Variants in WDR64 observed in about 807,000 individuals in gnomAD.
WDR64 encodes WD repeat domain 64.
Under a neutral mutation model 139.3 loss-of-function variants are expected in WDR64, and 112 were observed. The ratio of observed to expected loss-of-function variants is 0.80; its 90% CI spans 0.69 to 0.94. WDR64 has a LOEUF of 0.94. Ranked by LOEUF, WDR64 falls within the 40% of genes least tolerant of loss-of-function variation. WDR64 has a pLI of 0.00. For missense variants in WDR64, 1,206 were observed against 1,293.1 expected (o/e 0.93, Z 1.03); for synonymous variants, 444 against 437.7 (o/e 1.01, Z -0.18).
At chr1:241,693,858 A>T (rs1667392452) in intron 8 of WDR64, among the ~76,000 whole-genome samples, 1 of 152,198 alleles carries the variant, frequency 6.6e-6, no homozygotes, top group African/African-American at 2.4e-5. Context: ...TTCTCTGGTG[A>T]TTTAATTCCA....
chr1:241,767,884 T>C (rs1336536423), intron 16 of WDR64, among the ~76,000 whole-genome samples: 1 of 152,146 alleles, frequency 6.6e-6, no homozygotes, highest in Non-Finnish European at 1.5e-5. Context: ...CATCCTTCTG[T>C]TCCTTCACTT....
At chr1:241,789,495 A>G (rs1659152050) in intron 24 of WDR64, among the ~76,000 whole-genome samples, 1 of 152,248 alleles carries the variant, frequency 6.6e-6, no homozygotes, top group Admixed American at 6.5e-5. Context: ...CATCAGTGGT[A>G]GACTGGATAA....
intron 21 of WDR64, among the ~76,000 whole-genome samples, chr1:241,777,131 G>A (rs1658682265): frequency 6.6e-6 from 1 of 152,184 alleles, no homozygotes; most frequent in East Asian, 1.9e-4. Context: ...GTCTGACTCT[G>A]TGGCCCAGGC....
Position 241,731,383 on chromosome 1 carries a change from T to C in WDR64, c.1195-6980T>C, listed in dbSNP as rs572030842. Reference sequence around the variant, plus strand: ...TGAGATAAATCTAAGTACATAAATATGTCCTAACATAGATGTAAGCTCTTT... The same window carrying C: ...TGAGATAAATCTAAGTACATAAATACGTCCTAACATAGATGTAAGCTCTTT... On this transcript the variant is annotated intron_variant, in intron 10 of 27. Transcript: ENST00000437684. Among the ~76,000 whole-genome samples, 11 of 152,198 alleles carry C rather than the reference T, an allele frequency of 7.2e-5. No individual in the cohort carries two copies. The South Asian group carries it at 2.3e-3, about 32-fold the overall frequency.
chr1:241,704,583 T>G (rs1043561646), intron 8 of WDR64, among the ~76,000 whole-genome samples: 1 of 152,222 alleles, frequency 6.6e-6, no homozygotes, highest in Non-Finnish European at 1.5e-5. Context: ...CACTCATTTG[T>G]AATTCATTTA....
intron 24 of WDR64, among the ~76,000 whole-genome samples, chr1:241,789,036 T>C (rs1376055121): frequency 1.3e-5 from 2 of 152,186 alleles, no homozygotes; most frequent in African/African-American, 4.8e-5. Context: ...CCTTGTTTTA[T>C]ACATCTTTGT....
chr1:241,761,166 C>A (rs1040800055), intron 15 of WDR64, among the ~76,000 whole-genome samples: 1 of 152,012 alleles, frequency 6.6e-6, no homozygotes, highest in Non-Finnish European at 1.5e-5. Flanking sequence ...GATGAGAAAT[C>A]AAAACAAGTG....
chr1:241,760,632 T>C (rs866003745), intron 15 of WDR64, among the ~76,000 whole-genome samples: 5 of 150,302 alleles, frequency 3.3e-5, no homozygotes, highest in East Asian at 1.9e-4. Context: ...TATGAAGAAA[T>C]AGTCCAAGCA....
chr1:241,689,123 C>G (rs1558473532), intron 8 of WDR64, among the ~76,000 whole-genome samples: 1 of 152,116 alleles, frequency 6.6e-6, no homozygotes, highest in African/African-American at 2.4e-5. Flanking sequence ...ATTCGCAATC[C>G]AGACACACAG....
intron 2 of WDR64, among the ~76,000 whole-genome samples, chr1:241,663,740 A>T: frequency 6.6e-6 from 1 of 152,228 alleles, no homozygotes; most frequent in East Asian, 1.9e-4. Flanking sequence ...CCACAGTTGC[A>T]CTAGTTACAT....
chr1:241,750,326 G>A (rs772960108), intron 14 of WDR64, among the ~76,000 whole-genome samples: 2 of 152,096 alleles, frequency 1.3e-5, no homozygotes, highest in Non-Finnish European at 2.9e-5. Context: ...CCATCACCTC[G>A]AACTCAAGAA....
At chr1:241,712,373 A>C (rs1385003942) in intron 9 of WDR64, among the ~76,000 whole-genome samples, 1 of 152,216 alleles carries the variant, frequency 6.6e-6, no homozygotes, top group African/African-American at 2.4e-5. Context: ...CCAACATTTA[A>C]GGGATAGGTT....
intron 10 of WDR64, among the ~76,000 whole-genome samples, chr1:241,729,404 C>T (rs1668988509): frequency 6.6e-6 from 1 of 152,216 alleles, no homozygotes; most frequent in Non-Finnish European, 1.5e-5. Context: ...TGCCTTCTCA[C>T]ATATATTCAA....
intron 22 of WDR64, among the ~76,000 whole-genome samples, chr1:241,782,114 G>A (rs975517909): frequency 6.6e-6 from 1 of 152,034 alleles, no homozygotes; most frequent in Non-Finnish European, 1.5e-5. Context: ...GTGAAACCCC[G>A]TCTCTACTAA....
At chr1:241,738,885 G>A (rs1392570568) in intron 11 of WDR64, among the ~76,000 whole-genome samples, 1 of 152,232 alleles carries the variant, frequency 6.6e-6, no homozygotes, top group Non-Finnish European at 1.5e-5. Context: ...TGGGATGTAT[G>A]TAACTTGTTG....
intron 5 of WDR64, 93 bp downstream of exon 5, chr1:241,678,309 A>G: frequency 2.5e-6 from 1 of 397,796 alleles, no homozygotes; most frequent in East Asian, 3.6e-5. Context: ...GAAGTACTGA[A>G]TAGGCTCTGG....
intron 25 of WDR64, among the ~76,000 whole-genome samples, chr1:241,794,378 G>C (rs1338558450): frequency 6.6e-6 from 1 of 151,706 alleles, no homozygotes; most frequent in Non-Finnish European, 1.5e-5. Flanking sequence ...TTTCAATTTA[G>C]AGATAAGAAA....
At chr1:241,669,289 C>T (rs1434269148) in intron 2 of WDR64, among the ~76,000 whole-genome samples, 1 of 152,158 alleles carries the variant, frequency 6.6e-6, no homozygotes, top group African/African-American at 2.4e-5. Flanking sequence ...TGCTCTTTGC[C>T]ATGAAGCGGT....
Position 241,674,750 on chromosome 1 carries a change from A to G in WDR64, c.483+3A>G. 6.5e-7 allele frequency: 1 copy of G among 1,528,786 alleles called. No individual in the cohort carries two copies. Among genetic ancestry groups the G allele is most frequent in the African/African-American group, 1.4e-5 (1 of 71,942 alleles). The allele number at this position is 1,528,786 out of a possible 1,614,324, so 94.7% of individuals were successfully genotyped here. ...TAATAACAGTTTTTAATAACCAGGT[A>G]ATTTCTTTTTCTTTTTTTAACTGAA... On this transcript the variant is annotated splice_donor_region_variant and intron_variant, in intron 4 of 27. Transcript: ENST00000437684.
Sources: allele counts gnomAD v4.1 joint callset (sites outside exome capture counted in the v4.1 genomes callset), GRCh38; gene constraint gnomAD v4.1.1; transcripts MANE v1.5; gene names NCBI Gene and HGNC (gene_info 2026-07-23, HGNC 2026-07-21).